ASIP: variants seen among roughly 807,000 people sequenced by gnomAD.
ASIP encodes the protein agouti signaling protein.
Under a neutral mutation model 10.3 loss-of-function variants are expected in ASIP, and 11 were observed. The observed-to-expected ratio is 1.07, with a 90% confidence interval of 0.68 to 1.78. The LOEUF (loss-of-function observed/expected upper bound fraction) is 1.78. ASIP is among the 40% of genes most tolerant of loss of function. ASIP has a pLI of 0.00. For synonymous variants in ASIP, 70 were observed against 70.8 expected (o/e 0.99, Z 0.06); for missense variants, 180 against 169.2 (o/e 1.06, Z -0.35).
intron 1 of ASIP, among the ~76,000 whole-genome samples, chr20:34,232,318 C>T (rs1238492339): frequency 6.6e-6 from 1 of 152,198 alleles, no homozygotes; most frequent in Non-Finnish European, 1.5e-5. Context: ...GCATAAGAGA[C>T]TCATGGCAGA....
At position 34,249,178 on chromosome 20, in the gene ASIP, A is replaced by G. The variant is rs548077328; in HGVS notation, c.-11+7689A>G. Among the ~76,000 whole-genome samples, 14 of 152,300 alleles carry G rather than the reference A, an allele frequency of 9.2e-5. 1 individual carries two copies. The highest frequency in any genetic ancestry group is 3.4e-3 in the Middle Eastern group (1 of 294). On this transcript the variant is annotated intron_variant, in intron 1 of 3. Transcript: ENST00000374954. ...AATTTTTTCTCATACAGGTGAAGAA[A>G]AAGTTATCCATAGAGAGAAAGTAAC... is the stretch of plus-strand genomic sequence containing the variant.
At chr20:34,193,820 T>C (rs1477492990), upstream of ASIP, among the ~76,000 whole-genome samples, 1 of 152,200 alleles carries the variant, frequency 6.6e-6, no homozygotes, top group Non-Finnish European at 1.5e-5. Context: ...GTTACTCTGT[T>C]AGAAAGGGAA....
intron 1 of ASIP, among the ~76,000 whole-genome samples, chr20:34,221,440 G>A (rs953359596): frequency 6.6e-6 from 1 of 152,120 alleles, no homozygotes; most frequent in Non-Finnish European, 1.5e-5. Flanking sequence ...CAGTCAGCTT[G>A]CATTTATTGG....
intron 1 of ASIP, chr20:34,213,513 G>A: frequency 6.8e-7 from 1 of 1,479,558 alleles, no homozygotes. Flanking sequence ...CAGCAGACTG[G>A]TCATTTTCTT....
At chr20:34,257,064 C>CTCTT (rs1568767637) in intron 1 of ASIP, among the ~76,000 whole-genome samples, 1 of 125,602 alleles carries the variant, frequency 8.0e-6, no homozygotes. Context: ...CTCTCTCTTT[C>CTCTT]TTTCTCTTTT....
intron 1 of ASIP, among the ~76,000 whole-genome samples, chr20:34,197,394 G>A (rs1051860807): frequency 2.6e-5 from 4 of 152,110 alleles, no homozygotes; most frequent in Non-Finnish European, 4.4e-5. Flanking sequence ...TGTACTAGAC[G>A]GGATCCCAGG....
At chr20:34,259,547 C>T (rs563066521) in intron 1 of ASIP, among the ~76,000 whole-genome samples, 1 of 151,834 alleles carries the variant, frequency 6.6e-6, no homozygotes, top group South Asian at 2.1e-4. Context: ...ATATAAAATG[C>T]TTAGTCTGGC....
chr20:34,192,710 C>T (rs563577582), upstream of ASIP, among the ~76,000 whole-genome samples: 8 of 152,240 alleles, frequency 5.3e-5, no homozygotes, highest in South Asian at 1.7e-3. Context: ...TAAAGTGGTG[C>T]TTACCTCATA....
At chr20:34,211,593 A>G (rs2034974738) in intron 1 of ASIP, among the ~76,000 whole-genome samples, 1 of 152,186 alleles carries the variant, frequency 6.6e-6, no homozygotes, top group South Asian at 2.1e-4. Flanking sequence ...TCTACGGGTG[A>G]CAAATTTTTC....
chr20:34,238,798 A>G (rs2035244442), upstream of ASIP, among the ~76,000 whole-genome samples: 1 of 151,868 alleles, frequency 6.6e-6, no homozygotes, highest in Non-Finnish European at 1.5e-5. Flanking sequence ...CCCTTTCCTC[A>G]GGGTTTACTT....
intron 1 of ASIP, among the ~76,000 whole-genome samples, chr20:34,204,727 G>A (rs2034923590): frequency 6.6e-6 from 1 of 152,086 alleles, no homozygotes. Context: ...ATTCTAGTTT[G>A]ATATAATTTT....
chr20:34,238,917 C>T (rs2035246388), upstream of ASIP, among the ~76,000 whole-genome samples: 1 of 152,142 alleles, frequency 6.6e-6, no homozygotes, highest in East Asian at 1.9e-4. Flanking sequence ...AAGTTGCAAG[C>T]CTTCAATAGA....
chr20:34,259,762 A>T (rs1226224969), intron 1 of ASIP, among the ~76,000 whole-genome samples: 2 of 151,902 alleles, frequency 1.3e-5, no homozygotes, highest in Non-Finnish European at 2.9e-5. Context: ...AAAAAAAAAA[A>T]TCCAGCTAGC....
rs780931778 is a variant in ASIP, at chr20:34,260,453, G to T, written c.79G>T (p.Glu27Ter). The T allele has an allele frequency of 6.2e-7, 1 of 1,614,148 alleles. No homozygotes were observed. The highest frequency in any genetic ancestry group is 8.5e-7 in the Non-Finnish European group (1 of 1,180,008). Reference protein sequence around the residue: ...FFTANSHLPPEEKLRDDRSLR... With the variant: ...FFTANSHLPP ...CACTGCCAACAGCCACCTGCCACCT[G>T]AGGAGAAGCTCCGAGATGACAGGAG... is the stretch of plus-strand genomic sequence containing the variant. The change falls in exon 2 of 4, where the codon GAG (glutamate) becomes TAG (stop). Residue 27 changes from glutamate to a stop codon, truncating the protein, a stop_gained. Coordinates refer to ENST00000374954, the MANE Select transcript of ASIP (RefSeq NM_001672.3). LOFTEE classifies it high-confidence loss of function.
upstream of ASIP, among the ~76,000 whole-genome samples, chr20:34,189,807 C>T (rs927259349): frequency 4.6e-5 from 7 of 152,142 alleles, no homozygotes; most frequent in African/African-American, 1.7e-4. Flanking sequence ...CCAGGTCAGG[C>T]TTCATGTCTC....
intron 1 of ASIP, chr20:34,213,880 C>T: frequency 6.4e-7 from 1 of 1,567,788 alleles, no homozygotes; most frequent in South Asian, 1.1e-5. Flanking sequence ...GAAAGCTTTA[C>T]TAGTTCGACT....
chr20:34,223,366 G>A (rs2035065543), intron 1 of ASIP, among the ~76,000 whole-genome samples: 1 of 150,968 alleles, frequency 6.6e-6, no homozygotes, highest in Admixed American at 6.6e-5. Flanking sequence ...CGCCCCGTCT[G>A]AGAAGTGAGG....
upstream of ASIP, among the ~76,000 whole-genome samples, chr20:34,237,609 T>C (rs2035227541): frequency 6.6e-6 from 1 of 152,250 alleles, no homozygotes; most frequent in Non-Finnish European, 1.5e-5. Context: ...GAGATCATTT[T>C]ACTCCTTCCT....
chr20:34,207,062 T>A (rs1012908259), intron 1 of ASIP, among the ~76,000 whole-genome samples: 2 of 152,222 alleles, frequency 1.3e-5, no homozygotes, highest in Non-Finnish European at 2.9e-5. Context: ...ATTTTTAGTT[T>A]TTTGAGGAAT....
Sources: allele counts gnomAD v4.1 joint callset (sites outside exome capture counted in the v4.1 genomes callset), GRCh38; gene constraint gnomAD v4.1.1; transcripts MANE v1.5; gene names NCBI Gene and HGNC (gene_info 2026-07-23, HGNC 2026-07-21).